Variants in ADAMTS19 observed in about 807,000 individuals in gnomAD.
ADAMTS19 encodes the protein ADAM metallopeptidase with thrombospondin type 1 motif 19, also known as A disintegrin and metalloproteinase with thrombospondin motifs 19.
A neutral mutation model predicts 153.3 loss-of-function variants in ADAMTS19; 93 were observed. That is an observed-to-expected ratio of 0.61 (90% CI 0.51 to 0.72). ADAMTS19 has a LOEUF of 0.72. ADAMTS19 is among the 30% of genes least tolerant of loss of function. The pLI is 0.00. For missense variants in ADAMTS19, 1,482 were observed against 1,552.1 expected, an observed-to-expected ratio of 0.95 and a Z score of 0.76; for synonymous variants, 600 against 556.6, an observed-to-expected ratio of 1.08 and a Z score of -1.10.
Position 129,721,435 on chromosome 5 carries a change from T to A in ADAMTS19, c.3313-13497T>A, listed in dbSNP as rs73233698. ...AGATTACACTTGAAAAACTTTAATTTCATCAGGCCACAGATTTTCAACAGT... is the reference window on the plus strand; with the variant it reads ...AGATTACACTTGAAAAACTTTAATTACATCAGGCCACAGATTTTCAACAGT... On this transcript the variant is annotated intron_variant, in intron 21 of 22. Coordinates refer to ENST00000274487, the MANE Select transcript of ADAMTS19 (RefSeq NM_133638.6). 8.5e-3 allele frequency among the ~76,000 whole-genome samples: 1,300 copies of A among 152,210 alleles called. 19 individuals carry two copies. The highest frequency in any genetic ancestry group is 0.03 in the African/African-American group (1,249 of 41,516).
chr5:129,588,579 A>G (rs1749937524), intron 7 of ADAMTS19, among the ~76,000 whole-genome samples: 1 of 152,000 alleles, frequency 6.6e-6, no homozygotes, highest in Non-Finnish European at 1.5e-5. Flanking sequence ...ATATTTTATC[A>G]TTAGTTTGAG....
chr5:129,542,643 T>C (rs1752696521), intron 6 of ADAMTS19, among the ~76,000 whole-genome samples: 1 of 152,122 alleles, frequency 6.6e-6, no homozygotes, highest in African/African-American at 2.4e-5. Flanking sequence ...GCTATAGTGA[T>C]TGTGTTTTAT....
chr5:129,694,309 T>C (rs2127147558), intron 18 of ADAMTS19, among the ~76,000 whole-genome samples: 1 of 152,230 alleles, frequency 6.6e-6, no homozygotes, highest in Middle Eastern at 3.4e-3. Flanking sequence ...AAAAGTATAA[T>C]AACATGTAAC....
chr5:129,647,214 G>GAAAAAA (rs34958335), intron 11 of ADAMTS19, among the ~76,000 whole-genome samples: 4 of 102,312 alleles, frequency 3.9e-5, no homozygotes, highest in Non-Finnish European at 6.3e-5. Context: ...AATTCTTTCA[G>GAAAAAA]AAAAAAAAAA....
intron 6 of ADAMTS19, among the ~76,000 whole-genome samples, chr5:129,539,182 G>A (rs917489935): frequency 6.6e-6 from 1 of 152,016 alleles, no homozygotes; most frequent in Non-Finnish European, 1.5e-5. Context: ...TACATGGCAA[G>A]GGGACTTTGC....
chr5:129,670,554 A>T (rs1480344443), intron 16 of ADAMTS19, among the ~76,000 whole-genome samples: 1 of 152,120 alleles, frequency 6.6e-6, no homozygotes, highest in East Asian at 1.9e-4. Flanking sequence ...GCATCTGGGG[A>T]TAGCATCTGG....
In ADAMTS19 at chr5:129,688,761, A is replaced by G. The variant is rs1035884949; in HGVS notation, c.2818+4488A>G. On this transcript the variant is annotated intron_variant, in intron 18 of 22. Coordinates refer to ENST00000274487, the MANE Select transcript of ADAMTS19 (RefSeq NM_133638.6). Reference sequence around the variant, plus strand: ...TATTTGAATTGACATATCATTTTGTATTTTAACATCAGTCATTAAAACTAG... The same window carrying G: ...TATTTGAATTGACATATCATTTTGTGTTTTAACATCAGTCATTAAAACTAG... Among the ~76,000 whole-genome samples the G allele has an allele frequency of 1.1e-4, 17 of 152,322 alleles. 1 individual carries two copies. Among genetic ancestry groups the G allele is most frequent in the African/African-American group, 4.1e-4 (17 of 41,580 alleles).
intron 5 of ADAMTS19, 37 bp from the exon 6 acceptor site, chr5:129,528,483 A>C (rs1019112335): frequency 1.3e-6 from 2 of 1,497,890 alleles, no homozygotes; most frequent in South Asian, 2.8e-5. Context: ...TATACCTAAG[A>C]ATAATATGCC....
At position 129,461,853 on chromosome 5, in the gene ADAMTS19, G is replaced by A. The variant is rs1393940909; in HGVS notation, c.747+96G>A. 3 of 1,430,968 alleles carry A rather than the reference G, an allele frequency of 2.1e-6. No individual in the cohort carries two copies. In the African/African-American group the frequency reaches 4.4e-5, roughly 21 times the overall value. 88.6% of individuals were successfully genotyped at this position (1,430,968 alleles called of 1,614,324 possible). On this transcript the variant is annotated intron_variant, in intron 2 of 22. Transcript: ENST00000274487. This position sits in a 1 kb window ranked among gnomAD's most constrained non-coding sequence, Gnocchi z 4.6. ...TTTGCATGCACCTTCTCCCCTTTCAGTGTGCTCCTTTTGAGCTTGGCCCTA... is the reference window on the plus strand; with the variant it reads ...TTTGCATGCACCTTCTCCCCTTTCAATGTGCTCCTTTTGAGCTTGGCCCTA...
rs760392947 is a variant in ADAMTS19, at chr5:129,461,135, A to G, written c.125A>G (p.Glu42Gly). Residue 42 changes from glutamate to glycine, a missense_variant, in exon 2 of 23, where the codon GAA becomes GGA. Around this residue, in one of 2 missense-constraint regions of ADAMTS19, gnomAD observed 866 missense variants for 827.7 expected, o/e 1.05. Coordinates refer to ENST00000274487, the MANE Select transcript of ADAMTS19 (RefSeq NM_133638.6). This position sits in a 1 kb window ranked among gnomAD's most constrained non-coding sequence, Gnocchi z 4.6. ...TTCGCCCCCGACCGCGAGGAGTGGG[A>G]AGTCGTGTTTCCTGCGCTCTGGCGC... ...LQFAPDREEW[E>G]VVFPALWRRE... 1 of 1,423,416 alleles carries G rather than the reference A, an allele frequency of 7.0e-7. No individual in the cohort carries two copies. Among genetic ancestry groups the G allele is most frequent in the South Asian group, 1.5e-5 (1 of 67,816 alleles). The allele number at this position is 1,423,416 out of a possible 1,614,324, so 88.2% of individuals were successfully genotyped here. A position where few individuals can be genotyped will look rare whatever the true frequency, so the allele number is the denominator to read the frequency against.
In ADAMTS19 at chr5:129,718,140, T is replaced by G. The variant is rs768069422; in HGVS notation, c.3312+13749T>G. Among the ~76,000 whole-genome samples, 73 of 152,182 alleles carry G rather than the reference T, an allele frequency of 4.8e-4. 1 individual carries two copies. The highest frequency in any genetic ancestry group is 8.1e-4 in the Non-Finnish European group (55 of 68,000). On this transcript the variant is annotated intron_variant, in intron 21 of 22. Transcript: ENST00000274487. ...TTACTTCTTAATGCAAACATCATTT[T>G]TTTCTTCCATTGTTGTGGTGATCAG...
chr5:129,533,702 G>T (rs548122181), intron 6 of ADAMTS19, among the ~76,000 whole-genome samples: 3 of 151,896 alleles, frequency 2.0e-5, no homozygotes, highest in Non-Finnish European at 4.4e-5. Context: ...GTCAATTTTA[G>T]ATCTTTCCTG....
chr5:129,622,313 T>A lies in ADAMTS19; in HGVS notation c.1735T>A (p.Phe579Ile), dbSNP rs769342232. The change falls in exon 10 of 23, where the codon TTT (phenylalanine) becomes ATT (isoleucine). Residue 579 changes from phenylalanine to isoleucine, a missense_variant. Phe to Ile is a conservative substitution (Grantham distance 21). This residue lies in a region of ADAMTS19 where 866 missense variants were observed against 827.7 expected (regional missense o/e 1.05). Transcript: ENST00000274487. ...YTADEQCQIL[F>I]GPLASFCQEM... ...TGCTGATGAACAATGCCAGATCCTT[T>A]TTGGGCCATTGGCTTCTTTTTGTCA... The A allele has an allele frequency of 3.7e-6, 6 of 1,613,944 alleles. No individual in the cohort carries two copies. The highest frequency in any genetic ancestry group is 5.1e-6 in the Non-Finnish European group (6 of 1,179,982).
intron 21 of ADAMTS19, among the ~76,000 whole-genome samples, chr5:129,726,622 A>T (rs552983759): frequency 6.6e-5 from 10 of 152,190 alleles, no homozygotes; most frequent in African/African-American, 2.4e-4. Context: ...CCCCCTTGTT[A>T]TTAAACATTT....
At chr5:129,502,810 T>C (rs1751146351) in intron 2 of ADAMTS19, among the ~76,000 whole-genome samples, 1 of 152,210 alleles carries the variant, frequency 6.6e-6, no homozygotes, top group South Asian at 2.1e-4. Context: ...AGACCTTATG[T>C]ATTGAAGGCA....
chr5:129,494,169 T>C (rs1022744661), intron 2 of ADAMTS19, among the ~76,000 whole-genome samples: 3 of 152,164 alleles, frequency 2.0e-5, no homozygotes, highest in Admixed American at 1.3e-4. Context: ...TATTTACTTT[T>C]TTCATTTGAA....
rs1757758961 is a variant in ADAMTS19, at chr5:129,738,285, T to A, written c.*1067T>A. The A allele has an allele frequency of 6.6e-6, 1 of 152,098 alleles. No homozygotes were observed. The highest frequency in any genetic ancestry group is 2.4e-5 in the African/African-American group (1 of 41,440). The allele number at this position is 152,098 out of a possible 1,614,324, so 9.4% of individuals were successfully genotyped here. A position where few individuals can be genotyped will look rare whatever the true frequency, so the allele number is the denominator to read the frequency against. On this transcript the variant is annotated 3_prime_UTR_variant, in exon 23 of 23. Coordinates refer to ENST00000274487, the MANE Select transcript of ADAMTS19 (RefSeq NM_133638.6). The stretch of plus-strand genomic sequence containing the variant: ...TTTTCTTGTGAGAAAATATTATACA[T>A]GATTCACATGATTTCTTAGATTTTT...
chr5:129,701,608 C>T lies in ADAMTS19; in HGVS notation c.3159+16C>T. ...GTGGTCTGAGGTGCATACATGCCCC[C>T]TTTCTTTCCCCATTCCTACTCTGAC... is the stretch of plus-strand genomic sequence containing the variant. On this transcript the variant is annotated intron_variant, in intron 20 of 22. Coordinates refer to ENST00000274487, the MANE Select transcript of ADAMTS19 (RefSeq NM_133638.6). 3 of 1,612,192 alleles carry T rather than the reference C, an allele frequency of 1.9e-6. No homozygotes were observed. The highest frequency in any genetic ancestry group is 2.5e-6 in the Non-Finnish European group (3 of 1,178,750).
intron 10 of ADAMTS19, among the ~76,000 whole-genome samples, chr5:129,638,214 T>C (rs1752618295): frequency 6.6e-6 from 1 of 152,186 alleles, no homozygotes; most frequent in Non-Finnish European, 1.5e-5. Flanking sequence ...TGTTAGTCTC[T>C]GGACAGGTGT....
Sources: allele counts gnomAD v4.1 joint callset (sites outside exome capture counted in the v4.1 genomes callset), GRCh38; gene constraint gnomAD v4.1.1; regional missense constraint gnomAD v4.1.1; non-coding constraint Gnocchi (gnomAD v3.1); transcripts MANE v1.5; gene names NCBI Gene and HGNC (gene_info 2026-07-23, HGNC 2026-07-21).